ZBTB20: variants seen among roughly 807,000 people sequenced by gnomAD.
ZBTB20 encodes zinc finger and BTB domain-containing protein 20.
ZBTB20 carries 9 observed loss-of-function variants against 56.9 expected under a neutral mutation model. The ratio of observed to expected loss-of-function variants is 0.16; its 90% confidence interval spans 0.10 to 0.28. The LOEUF is 0.28. Ranked by LOEUF, ZBTB20 falls within the 10% of genes least tolerant of loss-of-function variation. ZBTB20 has a pLI of 1.00. For missense variants in ZBTB20, 655 were observed against 1,003.0 expected, an observed-to-expected ratio of 0.65 and a Z score of 4.69; for synonymous variants, 417 against 420.7, an observed-to-expected ratio of 0.99 and a Z score of 0.11.
At chr3:114,910,147 T>G (rs1254979312) in intron 3 of ZBTB20, among the ~76,000 whole-genome samples, 1 of 151,984 alleles carries the variant, frequency 6.6e-6, no homozygotes, top group Non-Finnish European at 1.5e-5. Context: ...TAATTTGACT[T>G]AAATGTTCAA....
At chr3:114,787,364 T>TACACACACAC (rs1181356405) in intron 5 of ZBTB20, among the ~76,000 whole-genome samples, 10 of 99,560 alleles carry the variant, frequency 1.0e-4, no homozygotes, top group African/African-American at 3.8e-4. Flanking sequence ...TATATATATA[T>TACACACACAC]ATATACACAC....
At chr3:114,725,241 G>C (rs1273675080) in intron 5 of ZBTB20, among the ~76,000 whole-genome samples, 1 of 152,142 alleles carries the variant, frequency 6.6e-6, no homozygotes, top group Non-Finnish European at 1.5e-5. Flanking sequence ...TGCACACAGA[G>C]TTAAAAAATC....
chr3:115,007,051 T>C (rs960241384), intron 2 of ZBTB20, among the ~76,000 whole-genome samples: 1 of 151,890 alleles, frequency 6.6e-6, no homozygotes, highest in Admixed American at 6.6e-5. Flanking sequence ...GAGTATTTGT[T>C]ATTTTTCTGC....
chr3:114,771,641 ATT>A (rs2097029817), intron 5 of ZBTB20, among the ~76,000 whole-genome samples: 1 of 152,124 alleles, frequency 6.6e-6, no homozygotes, highest in Non-Finnish European at 1.5e-5. Flanking sequence ...CCTGTACTAT[ATT>A]TCTCTCTTAA....
At chr3:114,711,478 A>G (rs2064076238) in intron 5 of ZBTB20, among the ~76,000 whole-genome samples, 1 of 152,200 alleles carries the variant, frequency 6.6e-6, no homozygotes, top group Non-Finnish European at 1.5e-5. Flanking sequence ...TATTCTTTCC[A>G]TCTGACTGCA....
chr3:114,780,102 A>G (rs527267644), intron 5 of ZBTB20, among the ~76,000 whole-genome samples: 1 of 152,224 alleles, frequency 6.6e-6, no homozygotes, highest in Non-Finnish European at 1.5e-5. Context: ...TTCTGTATCA[A>G]TGATTGTCAT....
At chr3:114,821,547 C>A (rs1377354147) in intron 4 of ZBTB20, among the ~76,000 whole-genome samples, 1 of 152,112 alleles carries the variant, frequency 6.6e-6, no homozygotes, top group Non-Finnish European at 1.5e-5. Context: ...TGGAGTCACT[C>A]TGGCAAGAAG....
intron 4 of ZBTB20, among the ~76,000 whole-genome samples, chr3:114,848,513 C>A (rs1283595787): frequency 6.6e-6 from 1 of 152,142 alleles, no homozygotes; most frequent in African/African-American, 2.4e-5. Flanking sequence ...CTCGTCCAAA[C>A]AGAGAAAAAT....
chr3:114,384,133 T>C (rs1289485281), intron 8 of ZBTB20, among the ~76,000 whole-genome samples: 1 of 149,648 alleles, frequency 6.7e-6, no homozygotes, highest in East Asian at 2.0e-4. Context: ...TCTCTCATTC[T>C]CTCTCTCTCT....
At chr3:115,096,586 C>T (rs1399166110) in intron 1 of ZBTB20, among the ~76,000 whole-genome samples, 2 of 152,226 alleles carry the variant, frequency 1.3e-5, no homozygotes, top group African/African-American at 4.8e-5. Context: ...CAACACCAGT[C>T]ATTCTTTTGC....
At chr3:114,575,724 C>G (rs1444748077) in intron 6 of ZBTB20, among the ~76,000 whole-genome samples, 2 of 152,048 alleles carry the variant, frequency 1.3e-5, no homozygotes, top group African/African-American at 2.4e-5. Context: ...TCAAGAATCC[C>G]ACTGTATTTG....
At chr3:114,994,429 G>T (rs768504153) in intron 2 of ZBTB20, among the ~76,000 whole-genome samples, 9 of 151,778 alleles carry the variant, frequency 5.9e-5, no homozygotes, top group Non-Finnish European at 1.2e-4. Context: ...AAACTTCACT[G>T]TCTTCTTACT....
intron 2 of ZBTB20, among the ~76,000 whole-genome samples, chr3:115,070,875 G>GA (rs2082385642): frequency 6.6e-6 from 1 of 151,614 alleles, no homozygotes; most frequent in Admixed American, 6.6e-5. Flanking sequence ...CCCTACTAGA[G>GA]AAAACCATCA....
intron 7 of ZBTB20, among the ~76,000 whole-genome samples, chr3:114,415,290 A>C (rs976895154): frequency 1.3e-5 from 2 of 152,146 alleles, no homozygotes; most frequent in African/African-American, 4.8e-5. Context: ...TAAGAGAAAA[A>C]TGTCAGAAAT....
intron 2 of ZBTB20, among the ~76,000 whole-genome samples, chr3:114,993,332 CAAAGT>C (rs1236493067): frequency 4.0e-5 from 6 of 151,724 alleles, no homozygotes; most frequent in Non-Finnish European, 7.4e-5. Context: ...GAACCCTGAA[CAAAGT>C]AAAGGAGTGA....
chr3:114,346,296 T>C (rs2080180678), intron 11 of ZBTB20, among the ~76,000 whole-genome samples: 1 of 152,208 alleles, frequency 6.6e-6, no homozygotes, highest in Admixed American at 6.5e-5. Context: ...AAACTAAGTG[T>C]CTCCTGGGTA....
At chr3:115,027,206 G>C (rs944224484) in intron 2 of ZBTB20, among the ~76,000 whole-genome samples, 29 of 150,976 alleles carry the variant, frequency 1.9e-4, no homozygotes, top group African/African-American at 6.5e-4. Flanking sequence ...TTCAAGATTG[G>C]AAATTATTGA....
intron 5 of ZBTB20, among the ~76,000 whole-genome samples, chr3:114,755,992 T>C (rs939612745): frequency 4.6e-5 from 7 of 152,214 alleles, no homozygotes; most frequent in Non-Finnish European, 7.3e-5. Context: ...AATATAGTTT[T>C]ATGCTGACCT....
intron 1 of ZBTB20, among the ~76,000 whole-genome samples, chr3:115,081,874 CG>C (rs957198303): frequency 6.6e-6 from 1 of 152,126 alleles, no homozygotes; most frequent in African/African-American, 2.4e-5. Context: ...TCTTTAGACA[CG>C]GAATACACCA....
Sources: gnomAD v4.1 joint callset for allele counts (sites outside exome capture counted in the v4.1 genomes callset) on GRCh38, gnomAD v4.1.1 for gene constraint, MANE v1.5 for transcripts, NCBI Gene and HGNC (gene_info 2026-07-23, HGNC 2026-07-21) for gene names.